TUBGCP6: variants seen among roughly 807,000 people sequenced by gnomAD.
TUBGCP6 encodes tubulin gamma complex component 6.
A neutral mutation model predicts 175.8 loss-of-function variants in TUBGCP6; 161 were observed. That is an observed-to-expected ratio of 0.92 (90% confidence interval 0.81 to 1.04). The LOEUF is 1.04. Among genes scored for constraint, TUBGCP6 ranks in the 50% least tolerant of loss-of-function variants. TUBGCP6 has a pLI of 0.00. For synonymous variants in TUBGCP6, 1,173 were observed against 1,030.5 expected, an observed-to-expected ratio of 1.14 and a Z score of -2.65; for missense variants, 2,572 against 2,433.0, an observed-to-expected ratio of 1.06 and a Z score of -1.20.
In TUBGCP6 at chr22:50,218,742, G is replaced by T; in HGVS notation, c.4782C>A (p.Asn1594Lys). 6.2e-7 allele frequency: 1 copy of T among 1,614,054 alleles called. No individual in the cohort carries two copies. The highest frequency in any genetic ancestry group is 8.5e-7 in the Non-Finnish European group (1 of 1,179,990). Residue 1594 changes from asparagine (N) to lysine (K), a missense_variant, in exon 21 of 25, where the codon AAC becomes AAA. Asn to Lys is a moderately conservative substitution (Grantham distance 94, BLOSUM62 0). Transcript: ENST00000248846. ...CCAGGCAGCTCAGCACATCCGGGGC[G>T]TTGGGGGCAAACACCTCGGGCAGGT... ...LKYLPEVFAPNAPDVLSCLEL... is the reference protein window; with the variant it reads ...LKYLPEVFAPKAPDVLSCLEL...
In TUBGCP6 at chr22:50,221,001, T is replaced by C. The variant is rs758199124; in HGVS notation, c.3358A>G (p.Asn1120Asp). The change falls in exon 16 of 25, where the codon AAT (asparagine) becomes GAT (aspartate). Residue 1120 changes from asparagine (N) to aspartate (D), a missense_variant. Coordinates refer to ENST00000248846, the MANE Select transcript of TUBGCP6 (RefSeq NM_020461.4). ...VSNASIRVGE[N>D]VSDVAPTRPR... ...CTGGTGGGAGCCACATCTGACACATTCTCCCCGACCCTGATGCTGGCGTTG... is the reference window on the plus strand; with the variant it reads ...CTGGTGGGAGCCACATCTGACACATCCTCCCCGACCCTGATGCTGGCGTTG... 6.3e-7 allele frequency: 1 copy of C among 1,590,020 alleles called. No individual in the cohort carries two copies. The highest frequency in any genetic ancestry group is 8.5e-7 in the Non-Finnish European group (1 of 1,172,594).
rs1569114985 is a variant in TUBGCP6 at position 50,224,609 on chromosome 22, G to A, written c.1984-17C>T. Reference sequence around the variant, plus strand: ...ACGTAATTCCTGAGAAAGACAACTGGTAATCAAAGCATCCTGGCCGGGCGC... The same window carrying A: ...ACGTAATTCCTGAGAAAGACAACTGATAATCAAAGCATCCTGGCCGGGCGC... On this transcript the variant is annotated splice_polypyrimidine_tract_variant and intron_variant, in intron 10 of 24. Transcript: ENST00000248846. 23 of 1,612,780 alleles carry A rather than the reference G, an allele frequency of 1.4e-5. No individual in the cohort carries two copies. The highest frequency in any genetic ancestry group is 1.9e-5 in the Non-Finnish European group (22 of 1,179,772).
At chr22:50,231,255 A>C (rs1569120157) in intron 3 of TUBGCP6, among the ~76,000 whole-genome samples, 1 of 125,094 alleles carries the variant, frequency 8.0e-6, no homozygotes, top group African/African-American at 2.7e-5. Flanking sequence ...GGAGTTTGAG[A>C]CCAGCCTGGT....
chr22:50,237,474 G>A (rs1405993603), intron 2 of TUBGCP6, among the ~76,000 whole-genome samples: 1 of 152,214 alleles, frequency 6.6e-6, no homozygotes, highest in African/African-American at 2.4e-5. Flanking sequence ...GGAGTAGAGG[G>A]GCCCAGGAGA....
At chr22:50,239,246 G>A (rs955292663) in intron 2 of TUBGCP6, among the ~76,000 whole-genome samples, 8 of 151,902 alleles carry the variant, frequency 5.3e-5, no homozygotes, top group African/African-American at 1.7e-4. Flanking sequence ...GTGCAATCTC[G>A]GCTCACTGCA....
rs1449763706 is a variant in TUBGCP6, at chr22:50,244,279, T to C, written c.181A>G (p.Met61Val). 5 of 1,613,546 alleles carry C rather than the reference T, an allele frequency of 3.1e-6. No homozygotes were observed. In the African/African-American group the frequency reaches 4.0e-5, roughly 13 times the overall value. ...QDETQQLQPD[M>V]SKLPARNKIL... is the part of the protein sequence containing the mutation. ...TTGTTTCTCGCTGGTAGTTTTGACA[T>C]GTCAGGCTGCAGCTGTTGAGTCTCA... The change falls in exon 1 of 25, where the codon ATG (methionine) becomes GTG (valine). Residue 61 changes from methionine (M) to valine (V), a missense_variant. Met to Val is a conservative substitution (Grantham distance 21, BLOSUM62 1). Transcript: ENST00000248846.
intron 3 of TUBGCP6, among the ~76,000 whole-genome samples, chr22:50,232,359 C>G (rs571985777): frequency 7.2e-6 from 1 of 138,618 alleles, no homozygotes; most frequent in Non-Finnish European, 1.5e-5. Context: ...GAGCGAGACT[C>G]TGTCTCAAAA....
At chr22:50,240,156 C>A in intron 2 of TUBGCP6, 48 bp downstream of exon 2, 1 of 1,610,420 alleles carries the variant, frequency 6.2e-7, no homozygotes, top group African/African-American at 1.3e-5. Flanking sequence ...AGGCCACGCT[C>A]ATGCAGGGGT....
Position 50,218,521 on chromosome 22 carries a change from G to A in TUBGCP6, c.4921C>T (p.Leu1641Phe), listed in dbSNP as rs1168667998. The A allele has an allele frequency of 3.1e-6, 5 of 1,613,588 alleles. No homozygotes were observed. ...LLQLKLMMWA[L>F]KDVCFHLKRT... is the part of the protein sequence containing the mutation. The stretch of plus-strand genomic sequence containing the variant: ...TTGAGGTGGAAGCAGACGTCCTTGA[G>A]CGCCCACATCATGAGCTTCAGCTGC... Residue 1641 changes from leucine (L) to phenylalanine (F), a missense_variant, in exon 22 of 25, where the codon CTC (leucine) becomes TTC (phenylalanine). Leu to Phe is a conservative substitution (Grantham distance 22, BLOSUM62 0). Transcript: ENST00000248846.
chr22:50,217,765 T>A lies in TUBGCP6; in HGVS notation c.5431A>T (p.Asn1811Tyr), dbSNP rs1205319610. Residue 1811 changes from asparagine (N) to tyrosine (Y), a missense_variant, in exon 25 of 25, where the codon AAC becomes TAC. Transcript: ENST00000248846. ...PHLEDFLLRI[N>Y]FNNYYQDA ...GCGTCCTGGTAGTAGTTGTTGAAGT[T>A]GATGCGCAGCAGAAAGTCCTCCAGG... is the stretch of plus-strand genomic sequence containing the variant. 2 of 1,613,790 alleles carry A rather than the reference T, an allele frequency of 1.2e-6. No homozygotes were observed. The highest frequency in any genetic ancestry group is 1.7e-5 in the Admixed American group (1 of 59,976).
chr22:50,243,919 C>T lies in TUBGCP6; in HGVS notation c.541G>A (p.Val181Ile). Reference sequence around the variant, plus strand: ...CCAGTGCCTGGAGCAGCCTCCATAACCTGAAGTGTTTCCTGGATCATGCTG... The same window carrying T: ...CCAGTGCCTGGAGCAGCCTCCATAATCTGAAGTGTTTCCTGGATCATGCTG... ...CHSMIQETLQ[V>I]MEAAPGTGLP... Residue 181 changes from valine (V) to isoleucine (I), a missense_variant, in exon 1 of 25, where the codon GTT (valine) becomes ATT (isoleucine). Val to Ile is a conservative substitution (Grantham distance 29). Coordinates refer to ENST00000248846, the MANE Select transcript of TUBGCP6 (RefSeq NM_020461.4). The T allele has an allele frequency of 6.2e-7, 1 of 1,614,080 alleles. No individual in the cohort carries two copies. The highest frequency in any genetic ancestry group is 8.5e-7 in the Non-Finnish European group (1 of 1,180,052).
chr22:50,219,260 A>G (rs2064472855), intron 19 of TUBGCP6, 28 bp downstream of exon 19: 1 of 1,610,094 alleles, frequency 6.2e-7, no homozygotes, highest in South Asian at 1.1e-5. Flanking sequence ...CTGGGTGGGC[A>G]GACTGGCGCA....
intron 13 of TUBGCP6, among the ~76,000 whole-genome samples, chr22:50,222,807 G>C (rs953224130): frequency 1.3e-5 from 2 of 152,342 alleles, no homozygotes; most frequent in African/African-American, 4.8e-5. Context: ...AGACCCTGGT[G>C]AGTCAGCGTC....
rs1439159288 is a variant in TUBGCP6 at position 50,244,451 on chromosome 22, GC to G, written c.8del (p.Ser3ThrfsTer26). 3 of 1,610,570 alleles carry G rather than the reference GC, an allele frequency of 1.9e-6. No homozygotes were observed. Among genetic ancestry groups the G allele is most frequent in the Non-Finnish European group, 2.5e-6 (3 of 1,179,016 alleles). Reference protein sequence around the residue: MASITQLFDDLCE... With the variant: MAXITQLFDDLCE... Reference sequence around the variant, plus strand: ...ACAGGTCGTCGAACAGCTGCGTGATGCTGGCCATGCCCCTTCTCAGCTCCGG... The same window carrying G: ...ACAGGTCGTCGAACAGCTGCGTGATGTGGCCATGCCCCTTCTCAGCTCCGG... On this transcript the variant is annotated frameshift_variant, in exon 1 of 25. Transcript: ENST00000248846. LOFTEE classifies it high-confidence loss of function.
At chr22:50,219,558 GCT>G in intron 18 of TUBGCP6, 84 bp downstream of exon 18, 2 of 1,588,842 alleles carry the variant, frequency 1.3e-6, no homozygotes, top group Non-Finnish European at 1.7e-6. Context: ...CTAGCCCAGG[GCT>G]CCGCCCCAAC....
chr22:50,233,775 C>T (rs1428456663), intron 2 of TUBGCP6, among the ~76,000 whole-genome samples: 4 of 152,116 alleles, frequency 2.6e-5, no homozygotes, highest in Non-Finnish European at 5.9e-5. Flanking sequence ...GGGCACCTTC[C>T]TGGGGTCCTG....
In TUBGCP6 at chr22:50,219,687, C is replaced by CCCTGCCAGG; in HGVS notation, c.4263_4271dup (p.Leu1422_Gly1424dup). The CCCTGCCAGG allele has an allele frequency of 6.2e-7, 1 of 1,613,722 alleles. No homozygotes were observed. The highest frequency in any genetic ancestry group is 8.5e-7 in the Non-Finnish European group (1 of 1,179,978). On this transcript the variant is annotated inframe_insertion, in exon 18 of 25. Transcript: ENST00000248846. ...CCGGGTACCGCTCCAAGTGGTACTG[C>CCCTGCCAGG]CCTGCCAGGCCTGCCAGGTAGGCCT...
In TUBGCP6 at chr22:50,233,166, T is replaced by G. The variant is rs1601599592; in HGVS notation, c.1116+150A>C. 1.3e-5 allele frequency: 10 copies of G among 769,974 alleles called. No homozygotes were observed. In the East Asian group the frequency reaches 2.4e-4, roughly 19 times the overall value. The allele number at this position is 769,974 out of a possible 1,614,324, so 47.7% of individuals were successfully genotyped here. A position where few individuals can be genotyped will look rare whatever the true frequency, so the allele number is the denominator to read the frequency against. On this transcript the variant is annotated intron_variant, in intron 3 of 24. Transcript: ENST00000248846. Reference sequence around the variant, plus strand: ...AGAACCGAAATGGGATGATGCTGGCTGTCATCACTGGTGGCCCTGGGAGCT... The same window carrying G: ...AGAACCGAAATGGGATGATGCTGGCGGTCATCACTGGTGGCCCTGGGAGCT...
rs1464262244 is a variant in TUBGCP6, at chr22:50,220,489, T to A, written c.3870A>T (p.Thr1290=). 6.2e-7 allele frequency: 1 copy of A among 1,613,200 alleles called. No homozygotes were observed. Residue 1290 remains threonine, a synonymous_variant, in exon 16 of 25, where the codon ACA becomes ACT. Coordinates refer to ENST00000248846, the MANE Select transcript of TUBGCP6 (RefSeq NM_020461.4). Reference sequence around the variant, plus strand: ...CAGGGGGGCTCTGTTGGGGCCTGGGTGTGTTGGGCTCAGCTTCTGGTGAGA... The same window carrying A: ...CAGGGGGGCTCTGTTGGGGCCTGGGAGTGTTGGGCTCAGCTTCTGGTGAGA... ...GALSPEAEPN[T]PRPQQSPPGH...
Sources: gnomAD v4.1 joint callset for allele counts (sites outside exome capture counted in the v4.1 genomes callset) on GRCh38, gnomAD v4.1.1 for gene constraint, MANE v1.5 for transcripts, NCBI Gene and HGNC (gene_info 2026-07-23, HGNC 2026-07-21) for gene names.